Variants in CNTNAP2 observed in about 807,000 individuals in gnomAD.
CNTNAP2 encodes contactin associated protein 2.
A neutral mutation model predicts 155.2 loss-of-function variants in CNTNAP2; 98 were observed. That is an observed-to-expected ratio of 0.63 (90% CI 0.54 to 0.75). CNTNAP2 has a LOEUF of 0.75. CNTNAP2 is among the 30% of genes least tolerant of loss of function. The pLI is 0.00. For missense variants in CNTNAP2, 1,727 were observed against 1,688.1 expected, an observed-to-expected ratio of 1.02 and a Z score of -0.40; for synonymous variants, 651 against 631.2, an observed-to-expected ratio of 1.03 and a Z score of -0.47.
chr7:147,677,586 G>A (rs1335987611), intron 13 of CNTNAP2, among the ~76,000 whole-genome samples: 1 of 151,494 alleles, frequency 6.6e-6, no homozygotes, highest in African/African-American at 2.4e-5. Context: ...TCCAAAAATC[G>A]TTGCTCAGAA....
chr7:147,457,272 T>C (rs1385956646), intron 10 of CNTNAP2, among the ~76,000 whole-genome samples: 1 of 152,170 alleles, frequency 6.6e-6, no homozygotes, highest in Non-Finnish European at 1.5e-5. Flanking sequence ...CACTTACAAG[T>C]TGGAAGGTGA....
chr7:146,309,303 A>T (rs147782439), intron 1 of CNTNAP2, among the ~76,000 whole-genome samples: 2,126 of 152,188 alleles, frequency 0.014, 31 homozygotes, highest in Middle Eastern at 0.027. Flanking sequence ...GTGTTTATGT[A>T]GGCTGTGTCC....
chr7:146,689,285 G>A (rs373993115), intron 1 of CNTNAP2, among the ~76,000 whole-genome samples: 80 of 152,146 alleles, frequency 5.3e-4, no homozygotes, highest in African/African-American at 1.9e-3. Flanking sequence ...AATTAAGATA[G>A]GGGTTATCAA....
At chr7:146,565,811 A>G (rs1225179017) in intron 1 of CNTNAP2, among the ~76,000 whole-genome samples, 1 of 152,270 alleles carries the variant, frequency 6.6e-6, no homozygotes, top group Non-Finnish European at 1.5e-5. Context: ...GCCATACTTC[A>G]AATATGAAAG....
intron 2 of CNTNAP2, among the ~76,000 whole-genome samples, chr7:146,783,260 C>T (rs967600874): frequency 6.6e-5 from 10 of 152,104 alleles, no homozygotes; most frequent in African/African-American, 9.6e-5. Flanking sequence ...GACATTAGGG[C>T]GAATAAAAAG....
chr7:147,483,651 A>G (rs536269595), intron 10 of CNTNAP2, among the ~76,000 whole-genome samples: 12 of 152,330 alleles, frequency 7.9e-5, no homozygotes, highest in African/African-American at 2.9e-4. Flanking sequence ...TTAACCCGCA[A>G]TAATTTAGAA....
chr7:146,687,432 C>T (rs946790016), intron 1 of CNTNAP2, among the ~76,000 whole-genome samples: 11 of 152,084 alleles, frequency 7.2e-5, no homozygotes, highest in South Asian at 2.1e-4. Flanking sequence ...AAAGTAAGCA[C>T]GTAACGGATA....
At chr7:148,314,175 A>G (rs998650968) in intron 21 of CNTNAP2, among the ~76,000 whole-genome samples, 1 of 152,170 alleles carries the variant, frequency 6.6e-6, no homozygotes, top group East Asian at 1.9e-4. Flanking sequence ...AGAAAGACTC[A>G]GCGACACTTG....
chr7:147,936,093 A>G (rs1250648358), intron 14 of CNTNAP2, among the ~76,000 whole-genome samples: 1 of 152,192 alleles, frequency 6.6e-6, no homozygotes, highest in Non-Finnish European at 1.5e-5. Flanking sequence ...CCTATCTTGT[A>G]CTCTTTAAAA....
intron 1 of CNTNAP2, among the ~76,000 whole-genome samples, chr7:146,706,269 T>C (rs1466969974): frequency 3.9e-5 from 6 of 152,250 alleles, no homozygotes; most frequent in Admixed American, 3.3e-4. Flanking sequence ...TCTAGCGATA[T>C]TTGAGCAAAC....
At chr7:148,062,483 G>A (rs994247726) in intron 15 of CNTNAP2, among the ~76,000 whole-genome samples, 4 of 151,980 alleles carry the variant, frequency 2.6e-5, no homozygotes, top group Admixed American at 1.3e-4. Context: ...TGATCATTTA[G>A]GCACACGACA....
At chr7:147,882,025 GAGA>G (rs1209878706) in intron 13 of CNTNAP2, among the ~76,000 whole-genome samples, 11 of 151,724 alleles carry the variant, frequency 7.3e-5, no homozygotes, top group Non-Finnish European at 1.0e-4. Context: ...ATGAAGAAAT[GAGA>G]AGAATATTTC....
At chr7:148,413,131 C>T (rs1344881397) in intron 23 of CNTNAP2, among the ~76,000 whole-genome samples, 1 of 151,698 alleles carries the variant, frequency 6.6e-6, no homozygotes, top group Non-Finnish European at 1.5e-5. Context: ...GCAGCTCACG[C>T]CTATAATCCC....
At position 148,394,458 on chromosome 7, in the gene CNTNAP2, G is replaced by GT. The variant is rs886436242; in HGVS notation, c.3715+10578dup. ...AGAGCTAATTTCCCTTTTTTTCTGA[G>GT]TTTTTTTTCCCAGAATTTTCCTGTT... On this transcript the variant is annotated intron_variant, in intron 22 of 23. Coordinates refer to ENST00000361727, the MANE Select transcript of CNTNAP2 (RefSeq NM_014141.6). Among the ~76,000 whole-genome samples the GT allele has an allele frequency of 7.2e-5, 11 of 151,756 alleles. No individual in the cohort carries two copies. The East Asian group carries it at 9.7e-4, about 13-fold the overall frequency.
At position 146,335,931 on chromosome 7, in the gene CNTNAP2, G is replaced by A. The variant is rs1801266785; in HGVS notation, c.97+218958G>A. On this transcript the variant is annotated intron_variant, in intron 1 of 23. Coordinates refer to ENST00000361727, the MANE Select transcript of CNTNAP2 (RefSeq NM_014141.6). ...AAGTAAATATTGGCCAGGGCGCGGT[G>A]ACCCACTCTTGTAATCCCAGCACTT... Among the ~76,000 whole-genome samples the A allele has an allele frequency of 2.6e-5, 4 of 152,216 alleles. 1 individual carries two copies. In the South Asian group the frequency reaches 8.3e-4, roughly 32 times the overall value.
chr7:147,688,806 A>G (rs1053965166), intron 13 of CNTNAP2, among the ~76,000 whole-genome samples: 2 of 152,172 alleles, frequency 1.3e-5, no homozygotes, highest in African/African-American at 4.8e-5. Context: ...GCTGAATGTT[A>G]TAACTGTTAT....
chr7:147,416,853 C>T (rs1475136563), intron 10 of CNTNAP2, among the ~76,000 whole-genome samples: 1 of 152,050 alleles, frequency 6.6e-6, no homozygotes, highest in East Asian at 1.9e-4. Context: ...CTTTGGGAGG[C>T]CAAGGCAGGC....
chr7:147,075,797 A>G (rs552683724), intron 4 of CNTNAP2, among the ~76,000 whole-genome samples: 1 of 152,124 alleles, frequency 6.6e-6, no homozygotes, highest in East Asian at 1.9e-4. Flanking sequence ...CTACCCCACG[A>G]TAGGCCCCAG....
chr7:146,562,308 T>A (rs868522333), intron 1 of CNTNAP2, among the ~76,000 whole-genome samples: 9 of 152,058 alleles, frequency 5.9e-5, no homozygotes, highest in East Asian at 1.9e-4. Flanking sequence ...TTTAAAAAAA[T>A]TTCTCATTTT....
Sources: allele counts gnomAD v4.1 joint callset (sites outside exome capture counted in the v4.1 genomes callset), GRCh38; gene constraint gnomAD v4.1.1; transcripts MANE v1.5; gene names NCBI Gene and HGNC (gene_info 2026-07-23, HGNC 2026-07-21).